AGMO: variants seen among roughly 807,000 people sequenced by gnomAD.
The protein encoded by AGMO is glyceryl-ether monooxygenase.
Under a neutral mutation model 60.2 loss-of-function variants are expected in AGMO, and 75 were observed. The observed-to-expected ratio is 1.25, with a 90% confidence interval of 1.03 to 1.51. The LOEUF (loss-of-function observed/expected upper bound fraction) is 1.51. Among genes scored for constraint, AGMO ranks in the 40% most tolerant of loss-of-function variants. The pLI, the probability that AGMO is intolerant of heterozygous loss-of-function variation, is 0.00. For synonymous variants in AGMO, 261 were observed against 177.1 expected (o/e 1.47, Z -3.76); for missense variants, 763 against 525.5 (o/e 1.45, Z -4.42).
the AGMO span, among the ~76,000 whole-genome samples, chr7:15,123,882 G>A: frequency 6.6e-6 from 1 of 152,086 alleles, no homozygotes; most frequent in Non-Finnish European, 1.5e-5. Flanking sequence ...ATTTATTCCA[G>A]TAAAGTGAGC....
chr7:15,550,539 C>T (rs1371730477), intron 2 of AGMO, among the ~76,000 whole-genome samples: 1 of 151,998 alleles, frequency 6.6e-6, no homozygotes, highest in Non-Finnish European at 1.5e-5. Context: ...CTACAAACAC[C>T]TCTACACAAA....
chr7:15,495,842 CCTCTCTCTCTCCT>C (rs368892148), intron 3 of AGMO, among the ~76,000 whole-genome samples: 11 of 135,968 alleles, frequency 8.1e-5, no homozygotes, highest in South Asian at 2.2e-4. Flanking sequence ...CTCTCTCTCT[CCTCTCTCTCTCCT>C]CTCTCTCTCT....
At chr7:15,516,757 T>A (rs972787133) in intron 3 of AGMO, among the ~76,000 whole-genome samples, 26 of 151,062 alleles carry the variant, frequency 1.7e-4, no homozygotes, top group African/African-American at 5.9e-4. Flanking sequence ...AAAAGTTACA[T>A]CCTTTTTTTT....
At chr7:15,350,704 A>G (rs1194974699) in intron 12 of AGMO, among the ~76,000 whole-genome samples, 1 of 152,296 alleles carries the variant, frequency 6.6e-6, no homozygotes, top group East Asian at 1.9e-4. Context: ...CCTCAGAGAA[A>G]AGGAATGAAC....
At chr7:15,250,101 G>A (rs1410208430) in intron 12 of AGMO, among the ~76,000 whole-genome samples, 1 of 152,062 alleles carries the variant, frequency 6.6e-6, no homozygotes, top group Non-Finnish European at 1.5e-5. Context: ...TAATATAATT[G>A]TGCTGTTATC....
chr7:15,358,536 T>G (rs1562455663), intron 12 of AGMO: 20 of 414,722 alleles, frequency 4.8e-5, no homozygotes, highest in Non-Finnish European at 9.4e-5. Context: ...CTCCAGGGAT[T>G]CCCTTCTTAG....
At chr7:15,477,458 T>G (rs1371981050) in intron 3 of AGMO, among the ~76,000 whole-genome samples, 1 of 152,108 alleles carries the variant, frequency 6.6e-6, no homozygotes, top group Non-Finnish European at 1.5e-5. Context: ...ATATAATCGA[T>G]GTGAATGAAT....
intron 5 of AGMO, among the ~76,000 whole-genome samples, chr7:15,411,590 T>C (rs1200386732): frequency 6.6e-6 from 1 of 152,024 alleles, no homozygotes; most frequent in Non-Finnish European, 1.5e-5. Context: ...AATCATAGTA[T>C]ATGAAATATT....
At chr7:15,392,094 G>C (rs1398548012) in intron 6 of AGMO, among the ~76,000 whole-genome samples, 6 of 151,654 alleles carry the variant, frequency 4.0e-5, no homozygotes, top group African/African-American at 7.3e-5. Context: ...TTTTGAGATG[G>C]AGTCTCACTC....
intron 12 of AGMO, among the ~76,000 whole-genome samples, chr7:15,321,527 T>C (rs1781108556): frequency 6.6e-6 from 1 of 151,968 alleles, no homozygotes; most frequent in African/African-American, 2.4e-5. Flanking sequence ...TTGAGGGGAG[T>C]AGAGCCAGAA....
intron 3 of AGMO, among the ~76,000 whole-genome samples, chr7:15,452,706 T>A (rs1781887475): frequency 6.6e-6 from 1 of 152,204 alleles, no homozygotes; most frequent in African/African-American, 2.4e-5. Context: ...AGTTACCATG[T>A]GATTCTGCAA....
intron 2 of AGMO, among the ~76,000 whole-genome samples, chr7:15,552,886 G>T (rs1259732166): frequency 1.3e-5 from 2 of 149,824 alleles, no homozygotes; most frequent in African/African-American, 4.9e-5. Context: ...GTTTATTGCG[G>T]CATTATTCAC....
chr7:15,386,276 A>T (rs2128483406), intron 9 of AGMO, among the ~76,000 whole-genome samples: 2 of 152,364 alleles, frequency 1.3e-5, no homozygotes, highest in South Asian at 4.1e-4. Context: ...TTCTAAAGTT[A>T]TTTATTGGAA....
intron 3 of AGMO, among the ~76,000 whole-genome samples, chr7:15,435,518 T>A (rs1047518710): frequency 2.0e-5 from 3 of 152,170 alleles, no homozygotes; most frequent in Non-Finnish European, 4.4e-5. Flanking sequence ...CATCTATGTA[T>A]CTTCTTTTTG....
chr7:15,192,708 C>T, the AGMO span, among the ~76,000 whole-genome samples: 1,057 of 152,254 alleles, frequency 6.9e-3, 14 homozygotes, highest in African/African-American at 0.024. Context: ...GTAACACACC[C>T]TTAGACGCTA....
Position 15,415,666 on chromosome 7 carries a change from T to C in AGMO, c.609+2892A>G, listed in dbSNP as rs1352877493. Among the ~76,000 whole-genome samples, 3 of 152,154 alleles carry C rather than the reference T, an allele frequency of 2.0e-5. 1 individual carries two copies. Among genetic ancestry groups the C allele is most frequent in the Admixed American group, 2.0e-4 (3 of 15,268 alleles). ...TATACATAAACAATGTGATAATAAA[T>C]TTAAGATAAAACAAAGGTAATAGTG... On this transcript the variant is annotated intron_variant, in intron 5 of 12. Coordinates refer to ENST00000342526, the MANE Select transcript of AGMO (RefSeq NM_001004320.2).
At chr7:15,279,322 A>G (rs551017060) in intron 12 of AGMO, among the ~76,000 whole-genome samples, 4 of 152,068 alleles carry the variant, frequency 2.6e-5, no homozygotes, top group East Asian at 3.9e-4. Context: ...TCTGATTCCA[A>G]TTGCCTATCT....
At chr7:15,354,353 T>C (rs770843353) in intron 12 of AGMO, among the ~76,000 whole-genome samples, 1,559 of 72,168 alleles carry the variant, frequency 0.022, 120 homozygotes, top group South Asian at 0.027. Context: ...CGCGTGTATA[T>C]AGACGTGTGT....
At chr7:15,515,091 G>C (rs768020925) in intron 3 of AGMO, among the ~76,000 whole-genome samples, 4 of 152,210 alleles carry the variant, frequency 2.6e-5, no homozygotes, top group Non-Finnish European at 5.9e-5. Context: ...TAGAGAAGTA[G>C]CTCATCCATT....
Sources: allele counts gnomAD v4.1 joint callset (sites outside exome capture counted in the v4.1 genomes callset), GRCh38; gene constraint gnomAD v4.1.1; transcripts MANE v1.5; gene names NCBI Gene and HGNC (gene_info 2026-07-23, HGNC 2026-07-21).